Variants in XKR7 observed in about 807,000 individuals in gnomAD.
The protein encoded by XKR7 is XK related 7.
A neutral mutation model predicts 42.2 loss-of-function variants in XKR7; 11 were observed. That is an observed-to-expected ratio of 0.26 (90% CI 0.16 to 0.43). The LOEUF is 0.43. Among genes scored for constraint, XKR7 ranks in the 20% least tolerant of loss-of-function variants. XKR7 has a pLI of 1.00. For synonymous variants in XKR7, 346 were observed against 366.4 expected, an observed-to-expected ratio of 0.94 and a Z score of 0.64; for missense variants, 710 against 802.2, an observed-to-expected ratio of 0.89 and a Z score of 1.39.
chr20:31,975,475 A>G (rs1019188866), intron 1 of XKR7, among the ~76,000 whole-genome samples: 1 of 152,150 alleles, frequency 6.6e-6, no homozygotes, highest in South Asian at 2.1e-4. Context: ...ACGTCCTTCC[A>G]GGCTGAGCTC....
chr20:31,979,296 C>T (rs2064500525), intron 1 of XKR7, among the ~76,000 whole-genome samples: 2 of 151,860 alleles, frequency 1.3e-5, no homozygotes, highest in African/African-American at 4.8e-5. Context: ...CTTACTGAAG[C>T]CTGGAACTCT....
At position 31,968,484 on chromosome 20, in the gene XKR7, C is replaced by T; in HGVS notation, c.309C>T (p.Val103=). The T allele has an allele frequency of 1.9e-6, 3 of 1,613,872 alleles. No individual in the cohort carries two copies. The highest frequency in any genetic ancestry group is 1.1e-5 in the South Asian group (1 of 91,062). The part of the protein sequence containing the change: ...TLLFVLLPSL[V]VQLLSFRWFV... ...TGTTCGTGCTCCTGCCCTCGCTGGT[C>T]GTGCAGTTACTGAGCTTCCGCTGGT... The change falls in exon 1 of 3, where the codon GTC becomes GTT. Residue 103 remains valine, a synonymous_variant. Coordinates refer to ENST00000562532, the MANE Select transcript of XKR7 (RefSeq NM_001011718.2). The surrounding 1 kb of genome is among the most constrained non-coding windows in gnomAD (Gnocchi z 4.5).
intron 1 of XKR7, among the ~76,000 whole-genome samples, chr20:31,981,429 C>A (rs987705060): frequency 6.6e-6 from 1 of 151,960 alleles, no homozygotes; most frequent in African/African-American, 2.4e-5. Context: ...CAGTGGCTCA[C>A]GCCTGTAATC....
At chr20:31,979,800 G>A (rs2122258309) in intron 1 of XKR7, among the ~76,000 whole-genome samples, 1 of 152,208 alleles carries the variant, frequency 6.6e-6, no homozygotes, top group East Asian at 1.9e-4. Flanking sequence ...ATCCACATGA[G>A]GATATCAAGC....
chr20:31,984,660 TA>T (rs1386700982), intron 1 of XKR7, among the ~76,000 whole-genome samples: 4 of 152,242 alleles, frequency 2.6e-5, no homozygotes, highest in African/African-American at 9.6e-5. Context: ...CAGTTTTCTC[TA>T]AACCCATATA....
Position 31,997,464 on chromosome 20 carries a change from G to A in XKR7, c.*7G>A. 6.3e-7 allele frequency: 1 copy of A among 1,583,778 alleles called. No homozygotes were observed. Among genetic ancestry groups the A allele is most frequent in the Non-Finnish European group, 8.5e-7 (1 of 1,170,560 alleles). On this transcript the variant is annotated 3_prime_UTR_variant, in exon 3 of 3. Coordinates refer to ENST00000562532, the MANE Select transcript of XKR7 (RefSeq NM_001011718.2). ...GTATGAGACCACAGTGTAGGCTACA[G>A]TGTCCCAGCACAAAAGGGACAGGCT...
rs372646602 is a variant in XKR7 at position 31,997,113 on chromosome 20, G to A, written c.1396G>A (p.Ala466Thr). Reference protein sequence around the residue: ...RKASEPCGPPADAITSPPRSL... With the variant: ...RKASEPCGPPTDAITSPPRSL... ...GGCCTCAGAGCCCTGTGGCCCACCC[G>A]CTGACGCCATCACGAGTCCCCCCAG... is the stretch of plus-strand genomic sequence containing the variant. Residue 466 changes from alanine (A) to threonine (T), a missense_variant, in exon 3 of 3, where the codon GCT (alanine) becomes ACT (threonine). Coordinates refer to ENST00000562532, the MANE Select transcript of XKR7 (RefSeq NM_001011718.2). The A allele has an allele frequency of 2.5e-6, 4 of 1,612,954 alleles. No homozygotes were observed. Among genetic ancestry groups the A allele is most frequent in the Admixed American group, 1.7e-5 (1 of 60,020 alleles).
chr20:31,989,248 G>C (rs1197493517), intron 1 of XKR7, among the ~76,000 whole-genome samples: 2 of 147,484 alleles, frequency 1.4e-5, no homozygotes, highest in African/African-American at 5.2e-5. Flanking sequence ...TCCTGAGCCA[G>C]GGACAAGTCT....
rs2123694575 is a variant in XKR7, at chr20:31,968,850, G to C, written c.584+91G>C. ...TCCCAGCCCTGATCTGACCTTTCCG[G>C]GCTACCCTCCTGTCCTGACCTCCCC... On this transcript the variant is annotated intron_variant, in intron 1 of 2. Transcript: ENST00000562532. The surrounding 1 kb of genome is among the most constrained non-coding windows in gnomAD (Gnocchi z 4.5). 7.0e-7 allele frequency: 1 copy of C among 1,428,934 alleles called. No individual in the cohort carries two copies. The highest frequency in any genetic ancestry group is 1.4e-5 in the African/African-American group (1 of 69,476). 88.5% of individuals were successfully genotyped at this position (1,428,934 alleles called of 1,614,324 possible). A position where few individuals can be genotyped will look rare whatever the true frequency, so the allele number is the denominator to read the frequency against.
chr20:31,974,509 T>C (rs943333315), intron 1 of XKR7, among the ~76,000 whole-genome samples: 1 of 152,198 alleles, frequency 6.6e-6, no homozygotes. Flanking sequence ...TCTCATCTGC[T>C]AAATGGACAC....
At chr20:31,990,777 AT>A (rs72387046) in intron 1 of XKR7, among the ~76,000 whole-genome samples, 29,325 of 149,578 alleles carry the variant, frequency 0.2, 3,008 homozygotes, top group Middle Eastern at 0.26. Flanking sequence ...TTTGGAGCCA[AT>A]TTTTTTTTTT....
At chr20:31,977,389 T>G (rs1384490105) in intron 1 of XKR7, among the ~76,000 whole-genome samples, 2 of 152,148 alleles carry the variant, frequency 1.3e-5, no homozygotes, top group African/African-American at 4.8e-5. Context: ...AGCTGAGAGC[T>G]TGGGGCACCA....
At position 31,968,573 on chromosome 20, in the gene XKR7, T is replaced by G. The variant is rs765120561; in HGVS notation, c.398T>G (p.Val133Gly). 6.2e-6 allele frequency: 10 copies of G among 1,609,994 alleles called. No individual in the cohort carries two copies. Among genetic ancestry groups the G allele is most frequent in the South Asian group, 4.4e-5 (4 of 90,946 alleles). ...PGPAVSTKDS[V>G]AGGAAISTKD... Reference sequence around the variant, plus strand: ...CCCGCCGTCAGCACCAAGGACAGCGTAGCCGGCGGAGCCGCCATCAGCACC... The same window carrying G: ...CCCGCCGTCAGCACCAAGGACAGCGGAGCCGGCGGAGCCGCCATCAGCACC... The change falls in exon 1 of 3, where the codon GTA becomes GGA. Residue 133 changes from valine (V) to glycine (G), a missense_variant. Physicochemically the swap from Val to Gly is moderately radical, Grantham distance 109. Around this residue, in one of 2 missense-constraint regions of XKR7, gnomAD observed 708 missense variants for 786.2 expected, o/e 0.90. Coordinates refer to ENST00000562532, the MANE Select transcript of XKR7 (RefSeq NM_001011718.2). This position sits in a 1 kb window ranked among gnomAD's most constrained non-coding sequence, Gnocchi z 4.5.
At chr20:31,971,734 C>T (rs915072288) in intron 1 of XKR7, among the ~76,000 whole-genome samples, 5 of 152,114 alleles carry the variant, frequency 3.3e-5, no homozygotes, top group Non-Finnish European at 5.9e-5. Context: ...ATTTTTCAAC[C>T]TCTTAGACTT....
At chr20:31,981,238 T>A (rs2064511257) in intron 1 of XKR7, among the ~76,000 whole-genome samples, 1 of 150,756 alleles carries the variant, frequency 6.6e-6, no homozygotes, top group Non-Finnish European at 1.5e-5. Context: ...CTGGGTGCAG[T>A]TGCCCACGCC....
rs1353306479 is a variant in XKR7, at chr20:31,998,603, C to T, written c.*1146C>T. The T allele has an allele frequency of 6.6e-6, 1 of 152,158 alleles. No homozygotes were observed. Among genetic ancestry groups the T allele is most frequent in the Non-Finnish European group, 1.5e-5 (1 of 68,034 alleles). The allele number at this position is 152,158 out of a possible 1,614,324, so 9.4% of individuals were successfully genotyped here. ...GGAATTTTCTAGGAATGGGTGCTCT[C>T]ATTCTAGACTTCTGGGGCTCATGGG... On this transcript the variant is annotated 3_prime_UTR_variant, in exon 3 of 3. Coordinates refer to ENST00000562532, the MANE Select transcript of XKR7 (RefSeq NM_001011718.2).
In XKR7 at chr20:31,997,545, T is replaced by C; in HGVS notation, c.*88T>C. On this transcript the variant is annotated 3_prime_UTR_variant, in exon 3 of 3. Coordinates refer to ENST00000562532, the MANE Select transcript of XKR7 (RefSeq NM_001011718.2). Reference sequence around the variant, plus strand: ...GCCCCGAATTTCAGGGCCACCAGGCTAAGGGGGAGTGGATCTGTTGGTCCA... The same window carrying C: ...GCCCCGAATTTCAGGGCCACCAGGCCAAGGGGGAGTGGATCTGTTGGTCCA... 1 of 1,235,496 alleles carries C rather than the reference T, an allele frequency of 8.1e-7. No individual in the cohort carries two copies. Among genetic ancestry groups the C allele is most frequent in the Non-Finnish European group, 1.1e-6 (1 of 902,202 alleles). 76.5% of individuals were successfully genotyped at this position (1,235,496 alleles called of 1,614,324 possible).
chr20:31,998,323 A>G lies in XKR7; in HGVS notation c.*866A>G, dbSNP rs948680047. On this transcript the variant is annotated 3_prime_UTR_variant, in exon 3 of 3. Transcript: ENST00000562532. ...ATACAGGTCTTCAACACAGCAGATA[A>G]GATGTCTGGAAAGATCTCTGGGCTC... 2 of 152,128 alleles carry G rather than the reference A, an allele frequency of 1.3e-5. No homozygotes were observed. The highest frequency in any genetic ancestry group is 4.8e-5 in the African/African-American group (2 of 41,400). The allele number at this position is 152,128 out of a possible 1,614,324, so 9.4% of individuals were successfully genotyped here. A position where few individuals can be genotyped will look rare whatever the true frequency, so the allele number is the denominator to read the frequency against.
At chr20:31,985,478 A>G (rs918385981) in intron 1 of XKR7, among the ~76,000 whole-genome samples, 3 of 152,078 alleles carry the variant, frequency 2.0e-5, no homozygotes, top group Admixed American at 6.6e-5. Context: ...GAAAACTGGC[A>G]GTCACACCAA....
Sources: allele counts gnomAD v4.1 joint callset (sites outside exome capture counted in the v4.1 genomes callset), GRCh38; gene constraint gnomAD v4.1.1; regional missense constraint gnomAD v4.1.1; non-coding constraint Gnocchi (gnomAD v3.1); transcripts MANE v1.5; gene names NCBI Gene and HGNC (gene_info 2026-07-23, HGNC 2026-07-21).